Variants in WWOX observed in about 807,000 individuals in gnomAD.
The protein encoded by WWOX is WW domain containing oxidoreductase.
WWOX carries 69 observed loss-of-function variants against 46.2 expected under a neutral mutation model. The ratio of observed to expected loss-of-function variants is 1.49; its 90% CI spans 1.23 to 1.82. The LOEUF is 1.82. Among genes scored for constraint, WWOX ranks in the 40% most tolerant of loss-of-function variants. WWOX has a pLI of 0.00. For synonymous variants in WWOX, 359 were observed against 202.6 expected, an observed-to-expected ratio of 1.77 and a Z score of -6.56; for missense variants, 919 against 542.6, an observed-to-expected ratio of 1.69 and a Z score of -6.89.
chr16:78,676,244 C>T (rs1018554478), intron 8 of WWOX, among the ~76,000 whole-genome samples: 2 of 151,828 alleles, frequency 1.3e-5, no homozygotes, highest in Non-Finnish European at 2.9e-5. Flanking sequence ...ATGCTCTCTA[C>T]AGAGTCCGAA....
chr16:78,618,647 A>T (rs191494510), intron 8 of WWOX, among the ~76,000 whole-genome samples: 1 of 152,234 alleles, frequency 6.6e-6, no homozygotes, highest in East Asian at 1.9e-4. Flanking sequence ...ACGCTCTCAT[A>T]AGAGACCTCT....
intron 8 of WWOX, among the ~76,000 whole-genome samples, chr16:78,649,277 G>A (rs2046912696): frequency 6.6e-6 from 1 of 151,668 alleles, no homozygotes; most frequent in African/African-American, 2.4e-5. Flanking sequence ...GAGCCACCGT[G>A]ACTGACCTGT....
At chr16:78,587,774 G>C (rs543711783) in intron 8 of WWOX, among the ~76,000 whole-genome samples, 1 of 152,240 alleles carries the variant, frequency 6.6e-6, no homozygotes, top group South Asian at 2.1e-4. Flanking sequence ...ATACTGTCTT[G>C]ATCTGTTATA....
chr16:78,408,234 C>T (rs1470767056), intron 6 of WWOX, among the ~76,000 whole-genome samples: 2 of 152,190 alleles, frequency 1.3e-5, no homozygotes, highest in African/African-American at 4.8e-5. Flanking sequence ...ACCTATTTTA[C>T]ATATTCCTGC....
intron 8 of WWOX, among the ~76,000 whole-genome samples, chr16:78,508,236 C>G (rs925511881): frequency 2.0e-5 from 3 of 150,854 alleles, no homozygotes; most frequent in Non-Finnish European, 2.9e-5. Context: ...GTCTTGAACT[C>G]CTGATCTCAG....
At chr16:78,633,080 T>C (rs774548844) in intron 8 of WWOX, among the ~76,000 whole-genome samples, 1 of 151,982 alleles carries the variant, frequency 6.6e-6, no homozygotes, top group Admixed American at 6.5e-5. Flanking sequence ...CTGGCCAACA[T>C]GGTGAAACCC....
chr16:78,649,596 C>T (rs887396158), intron 8 of WWOX, among the ~76,000 whole-genome samples: 7 of 152,230 alleles, frequency 4.6e-5, no homozygotes, highest in Non-Finnish European at 7.3e-5. Flanking sequence ...TTTGTTAATA[C>T]ATACCATGAC....
chr16:79,034,632 C>T (rs1374121748), intron 8 of WWOX, among the ~76,000 whole-genome samples: 1 of 151,516 alleles, frequency 6.6e-6, no homozygotes, highest in Non-Finnish European at 1.5e-5. Context: ...AGGCATTAAT[C>T]TTTTTGGTAT....
intron 8 of WWOX, among the ~76,000 whole-genome samples, chr16:78,962,886 C>T (rs1018492273): frequency 3.3e-5 from 5 of 152,196 alleles, no homozygotes; most frequent in Non-Finnish European, 7.3e-5. Flanking sequence ...TATAAATAGT[C>T]ACCCAGTACG....
intron 8 of WWOX, among the ~76,000 whole-genome samples, chr16:78,496,810 C>T (rs1238262846): frequency 2.6e-5 from 4 of 152,184 alleles, no homozygotes; most frequent in Admixed American, 1.3e-4. Flanking sequence ...GGCCCCAAGA[C>T]ATGGAGAAGT....
intron 8 of WWOX, among the ~76,000 whole-genome samples, chr16:79,086,223 G>C (rs1195340712): frequency 5.9e-5 from 9 of 152,110 alleles, no homozygotes; most frequent in African/African-American, 2.2e-4. Flanking sequence ...CTCAATAAAT[G>C]TTAATTGAGC....
At chr16:78,737,055 A>G (rs1046600406) in intron 8 of WWOX, among the ~76,000 whole-genome samples, 14 of 151,688 alleles carry the variant, frequency 9.2e-5, no homozygotes, top group South Asian at 8.3e-4. Flanking sequence ...TTATATGTCT[A>G]TTTTTTTGGT....
intron 8 of WWOX, among the ~76,000 whole-genome samples, chr16:79,064,077 T>C (rs1463918263): frequency 6.6e-6 from 1 of 152,250 alleles, no homozygotes; most frequent in Non-Finnish European, 1.5e-5. Flanking sequence ...AACAAGGCAC[T>C]ACAGCAACAT....
In WWOX at chr16:78,511,599, A is replaced by T. The variant is rs1365713487; in HGVS notation, c.1056+78847A>T. ...TACATCTCCCAATATATTTCTTGTT[A>T]TTCTCGTTGAGTACTGCATTCAGAC... On this transcript the variant is annotated intron_variant, in intron 8 of 8. Transcript: ENST00000566780. 2.6e-5 allele frequency among the ~76,000 whole-genome samples: 4 copies of T among 152,296 alleles called. No homozygotes were observed. In the South Asian group the frequency reaches 6.2e-4, roughly 24 times the overall value.
At chr16:78,303,409 G>A (rs2080077484) in intron 5 of WWOX, among the ~76,000 whole-genome samples, 1 of 152,174 alleles carries the variant, frequency 6.6e-6, no homozygotes. Flanking sequence ...TGAAACTTGA[G>A]CAACTGAGCT....
At chr16:78,864,158 A>G (rs1431154650) in intron 8 of WWOX, among the ~76,000 whole-genome samples, 1 of 152,202 alleles carries the variant, frequency 6.6e-6, no homozygotes, top group Admixed American at 6.5e-5. Flanking sequence ...TGGGAGTGGA[A>G]TTACGGGGTC....
At chr16:78,698,635 ACAAACTTCC>A (rs1343173350) in intron 8 of WWOX, among the ~76,000 whole-genome samples, 2 of 152,166 alleles carry the variant, frequency 1.3e-5, no homozygotes, top group Admixed American at 1.3e-4. Context: ...ACTTTTCCTG[ACAAACTTCC>A]CAAGAATGTA....
intron 8 of WWOX, among the ~76,000 whole-genome samples, chr16:78,960,324 C>T (rs749837471): frequency 6.6e-6 from 1 of 152,186 alleles, no homozygotes; most frequent in South Asian, 2.1e-4. Flanking sequence ...TAACGTTTGG[C>T]TTGTGGTATA....
chr16:78,798,091 G>C (rs1157870472), intron 8 of WWOX, among the ~76,000 whole-genome samples: 1 of 152,216 alleles, frequency 6.6e-6, no homozygotes, highest in South Asian at 2.1e-4. Context: ...CTGAGGTTCA[G>C]AGAGATGGGG....
Sources: allele counts gnomAD v4.1 joint callset (sites outside exome capture counted in the v4.1 genomes callset), GRCh38; gene constraint gnomAD v4.1.1; transcripts MANE v1.5; gene names NCBI Gene and HGNC (gene_info 2026-07-23, HGNC 2026-07-21).